Variants in RGS17 observed in about 807,000 individuals in gnomAD.
RGS17 encodes the protein regulator of G-protein signaling 17.
Under a neutral mutation model 25.5 loss-of-function variants are expected in RGS17, and 12 were observed. That is an observed-to-expected ratio of 0.47 (90% CI 0.30 to 0.76). The LOEUF is 0.76. RGS17 is among the 30% of genes least tolerant of loss of function. The pLI is 0.07. For synonymous variants in RGS17, 71 were observed against 76.9 expected (o/e 0.92, Z 0.40); for missense variants, 196 against 242.2 (o/e 0.81, Z 1.27).
intron 4 of RGS17, among the ~76,000 whole-genome samples, chr6:153,011,975 C>G (rs1290891598): frequency 6.6e-6 from 1 of 151,906 alleles, no homozygotes; most frequent in Non-Finnish European, 1.5e-5. Context: ...TCTTTTAAAC[C>G]AGAAATTTAG....
In RGS17 at chr6:153,094,433, T is replaced by C. The variant is rs139876616; in HGVS notation, c.-26+36691A>G. 3.9e-4 allele frequency among the ~76,000 whole-genome samples: 60 copies of C among 152,286 alleles called. 2 individuals are homozygous for C. The East Asian group carries it at 0.011, about 28-fold the overall frequency. On this transcript the variant is annotated intron_variant, in intron 1 of 4. Coordinates refer to ENST00000206262, the MANE Select transcript of RGS17 (RefSeq NM_012419.5). ...TAAAGTTGGTAATTAGATAATATCA[T>C]AATAATGTTGATAATTAGATAATAT...
chr6:153,013,102 T>C (rs998637669), intron 4 of RGS17, among the ~76,000 whole-genome samples: 6 of 152,250 alleles, frequency 3.9e-5, no homozygotes, highest in Non-Finnish European at 7.3e-5. Flanking sequence ...TTGTTACAAA[T>C]TGAAGGCTTG....
At chr6:153,084,432 A>G (rs1472911634) in intron 1 of RGS17, among the ~76,000 whole-genome samples, 2 of 152,182 alleles carry the variant, frequency 1.3e-5, no homozygotes, top group Non-Finnish European at 1.5e-5. Context: ...GCAACCAGAG[A>G]AGGTCTGGGC....
At chr6:153,029,218 G>A (rs1202100014) in intron 2 of RGS17, among the ~76,000 whole-genome samples, 1 of 152,164 alleles carries the variant, frequency 6.6e-6, no homozygotes, top group Admixed American at 6.5e-5. Context: ...GTCTTGCCCT[G>A]TAGAAATTGA....
intron 1 of RGS17, among the ~76,000 whole-genome samples, chr6:153,101,782 T>C (rs796694791): frequency 8.7e-4 from 51 of 58,936 alleles, no homozygotes; most frequent in African/African-American, 4.7e-3. Flanking sequence ...ATGTGGTACT[T>C]CCCCCTTCAC....
chr6:153,082,311 G>T (rs529356815), intron 1 of RGS17, among the ~76,000 whole-genome samples: 12 of 152,214 alleles, frequency 7.9e-5, no homozygotes, highest in African/African-American at 2.2e-4. Context: ...TTTGTGCACT[G>T]CTCCCTTCCA....
chr6:153,094,516 G>C (rs9479505), intron 1 of RGS17, among the ~76,000 whole-genome samples: 68,687 of 151,930 alleles, frequency 0.45, 16,167 homozygotes, highest in East Asian at 0.84. Flanking sequence ...TCCATGGTTT[G>C]ATTTTGATAC....
chr6:153,071,099 ACT>A (rs1322835862), intron 1 of RGS17, among the ~76,000 whole-genome samples: 2 of 149,658 alleles, frequency 1.3e-5, no homozygotes, highest in African/African-American at 4.9e-5. Flanking sequence ...ATATATACAC[ACT>A]CATATATATC....
At chr6:153,123,004 A>ACTG (rs1176095595) in intron 1 of RGS17, among the ~76,000 whole-genome samples, 3 of 107,448 alleles carry the variant, frequency 2.8e-5, no homozygotes, top group African/African-American at 1.1e-4. Context: ...GGAGTACATC[A>ACTG]GAGTACATTG....
intron 1 of RGS17, among the ~76,000 whole-genome samples, chr6:153,082,368 G>A (rs1776998029): frequency 6.6e-6 from 1 of 152,032 alleles, no homozygotes; most frequent in Non-Finnish European, 1.5e-5. Context: ...TTGACACGGA[G>A]GCTGTGTCAA....
At chr6:153,053,238 G>C (rs1417511592) in intron 1 of RGS17, among the ~76,000 whole-genome samples, 1 of 151,984 alleles carries the variant, frequency 6.6e-6, no homozygotes, top group African/African-American at 2.4e-5. Context: ...TCAACTTGAG[G>C]CAATCACAAA....
At chr6:153,023,553 G>T (rs1162368293) in intron 4 of RGS17, among the ~76,000 whole-genome samples, 1 of 152,208 alleles carries the variant, frequency 6.6e-6, no homozygotes, top group African/African-American at 2.4e-5. Context: ...ATGGAAAAGT[G>T]CTATTTGGTT....
At chr6:153,061,954 G>C (rs1256736906) in intron 1 of RGS17, among the ~76,000 whole-genome samples, 1 of 152,140 alleles carries the variant, frequency 6.6e-6, no homozygotes, top group Non-Finnish European at 1.5e-5. Context: ...AAACCTAGCT[G>C]ATATCTATAC....
At chr6:153,112,906 A>G (rs1008965299) in intron 1 of RGS17, among the ~76,000 whole-genome samples, 1 of 152,226 alleles carries the variant, frequency 6.6e-6, no homozygotes, top group African/African-American at 2.4e-5. Context: ...CTGCCTTACA[A>G]GAGTCCCTGA....
rs530383982 is a variant in RGS17, at chr6:153,019,117, A to G, written c.444+5145T>C. On this transcript the variant is annotated intron_variant, in intron 4 of 4. Coordinates refer to ENST00000206262, the MANE Select transcript of RGS17 (RefSeq NM_012419.5). Reference sequence around the variant, plus strand: ...TCCCCAGAGCTTGAACATCACAGATATCACGGGTTTTTGGGCTTTCCCCAT... The same window carrying G: ...TCCCCAGAGCTTGAACATCACAGATGTCACGGGTTTTTGGGCTTTCCCCAT... 6.6e-5 allele frequency among the ~76,000 whole-genome samples: 10 copies of G among 152,372 alleles called. No homozygotes were observed. The South Asian group carries it at 1.0e-3, about 16-fold the overall frequency.
chr6:153,053,861 TTA>T (rs1376652251), intron 1 of RGS17, among the ~76,000 whole-genome samples: 2 of 146,152 alleles, frequency 1.4e-5, no homozygotes, highest in African/African-American at 5.0e-5. Context: ...ATTTATTTTA[TTA>T]TGTTTTATAC....
intron 4 of RGS17, among the ~76,000 whole-genome samples, chr6:153,019,521 G>A (rs1779217808): frequency 1.3e-5 from 2 of 152,124 alleles, no homozygotes; most frequent in Non-Finnish European, 2.9e-5. Flanking sequence ...GGTGGGAGAT[G>A]ACTGGTTCAT....
At chr6:153,045,548 T>G (rs1296741703) in intron 1 of RGS17, among the ~76,000 whole-genome samples, 2 of 152,164 alleles carry the variant, frequency 1.3e-5, no homozygotes, top group African/African-American at 4.8e-5. Context: ...AAGAGCTGCT[T>G]CAAGACTAAG....
chr6:153,117,103 C>T (rs541949782), intron 1 of RGS17, among the ~76,000 whole-genome samples: 28 of 152,062 alleles, frequency 1.8e-4, no homozygotes, highest in Middle Eastern at 3.4e-3. Flanking sequence ...TATAAATACC[C>T]GAGACTGGGT....
Sources: gnomAD v4.1 joint callset for allele counts (sites outside exome capture counted in the v4.1 genomes callset) on GRCh38, gnomAD v4.1.1 for gene constraint, MANE v1.5 for transcripts, NCBI Gene and HGNC (gene_info 2026-07-23, HGNC 2026-07-21) for gene names.